The following ZNF41 variants were observed in gnomAD, a reference collection of about 807,000 sequenced individuals.
ZNF41 encodes the protein zinc finger protein 41.
ZNF41 carries 6 observed loss-of-function variants against 9.3 expected under a neutral mutation model. The observed-to-expected ratio is 0.65, with a 90% CI of 0.35 to 1.28. The LOEUF (loss-of-function observed/expected upper bound fraction) is 1.28. ZNF41 is among the 50% of genes most tolerant of loss of function. The pLI is 0.03. For synonymous variants in ZNF41, 192 were observed against 207.1 expected, an observed-to-expected ratio of 0.93 and a Z score of 0.63; for missense variants, 523 against 585.8, an observed-to-expected ratio of 0.89 and a Z score of 1.11.
At chrX:47,464,197 TCAC>T (rs1452654030) in intron 2 of ZNF41, among the ~76,000 whole-genome samples, 1 of 111,525 alleles carries the variant, frequency 9.0e-6, no homozygotes, top group Non-Finnish European at 1.9e-5. Flanking sequence ...TCCTCAGTGA[TCAC>T]CACTTCTCCA....
Position 47,449,449 on chromosome X carries a change from T to C in ZNF41, c.321A>G (p.Gln107=), listed in dbSNP as rs1374760109. The change falls in exon 5 of 5, where the codon CAA becomes CAG. Residue 107 remains glutamine (Q), a synonymous_variant. Transcript: ENST00000684689. ...AGAAAATTCCTCCAGGAATTCCCTG[T>C]TGCTGCATTTTCCCAATAGCCTCAC... is the stretch of plus-strand genomic sequence containing the variant. ...CSGEAIGKMQ[Q]QGIPGGIFFH... 8.3e-7 allele frequency: 1 copy of C among 1,209,174 alleles called. No individual in the cohort carries two copies.
chrX:47,458,787 T>A (rs5906400), intron 2 of ZNF41, among the ~76,000 whole-genome samples: 1 of 105,240 alleles, frequency 9.5e-6, no homozygotes, highest in African/African-American at 3.5e-5. Flanking sequence ...GTTTTGTTTT[T>A]TTTTTTTGTA....
intron 1 of ZNF41, among the ~76,000 whole-genome samples, chrX:47,473,739 C>T (rs1020011967): frequency 2.7e-5 from 3 of 112,162 alleles, no homozygotes; most frequent in African/African-American, 9.7e-5. Context: ...TACATTTTAA[C>T]TATTTTCCTT....
At chrX:47,470,758 A>G (rs1285538650) in intron 1 of ZNF41, among the ~76,000 whole-genome samples, 2 of 110,621 alleles carry the variant, frequency 1.8e-5, no homozygotes, top group Non-Finnish European at 3.8e-5. Context: ...ACAAAAAATA[A>G]TAGGAGAAAA....
Position 47,456,359 on chromosome X carries a change from T to C in ZNF41, c.112A>G (p.Lys38Glu). 1 of 1,211,603 alleles carries C rather than the reference T, an allele frequency of 8.3e-7. No homozygotes were observed. The highest frequency in any genetic ancestry group is 1.1e-6 in the Non-Finnish European group (1 of 895,467). ...SFEDVTVDFS[K>E]EEWQHLDPAQ... is the part of the protein sequence containing the mutation. ...GGGTCCAAGTGCTGCCACTCCTCCT[T>C]GCTGAAGTCCACAGTCACGTCCTCA... The change falls in exon 3 of 5, where the codon AAG becomes GAG. Residue 38 changes from lysine (K) to glutamate (E), a missense_variant. Lys to Glu is a moderately conservative substitution (Grantham distance 56). Coordinates refer to ENST00000684689, the MANE Select transcript of ZNF41 (RefSeq NM_001324144.2).
At chrX:47,455,473 T>C (rs1396465151) in intron 4 of ZNF41, among the ~76,000 whole-genome samples, 1 of 108,820 alleles carries the variant, frequency 9.2e-6, no homozygotes, top group Non-Finnish European at 1.9e-5. Flanking sequence ...TAGTCCCCAC[T>C]ACTTGGGAGG....
In ZNF41 at chrX:47,447,129, TCTA is replaced by T; in HGVS notation, c.*298_*300del. 1 of 329,190 alleles carries T rather than the reference TCTA, an allele frequency of 3.0e-6. No homozygotes were observed. The highest frequency in any genetic ancestry group is 5.4e-6 in the Non-Finnish European group (1 of 186,178). 27.1% of individuals were successfully genotyped at this position (329,190 alleles called of 1,213,427 possible). ...ACGAGTCATCTCCTCAGGTCTTAATTCTACTATTTCCAGGAGCTCAAGAGGTCT... is the reference window on the plus strand; with the variant it reads ...ACGAGTCATCTCCTCAGGTCTTAATTCTATTTCCAGGAGCTCAAGAGGTCT... On this transcript the variant is annotated 3_prime_UTR_variant, in exon 5 of 5. Coordinates refer to ENST00000684689, the MANE Select transcript of ZNF41 (RefSeq NM_001324144.2).
At chrX:47,451,479 T>C (rs2056363990) in intron 4 of ZNF41, among the ~76,000 whole-genome samples, 1 of 111,968 alleles carries the variant, frequency 8.9e-6, no homozygotes, top group Non-Finnish European at 1.9e-5. Context: ...GCAGGCTGGG[T>C]GCGGTGGCTC....
chrX:47,450,947 C>T (rs1219880988), intron 4 of ZNF41, among the ~76,000 whole-genome samples: 2 of 112,088 alleles, frequency 1.8e-5, no homozygotes, highest in Non-Finnish European at 3.8e-5. Flanking sequence ...GGAAGACATA[C>T]ATCTATATTT....
At chrX:47,458,637 TA>T (rs1213831928) in intron 2 of ZNF41, among the ~76,000 whole-genome samples, 4 of 111,460 alleles carry the variant, frequency 3.6e-5, no homozygotes, top group South Asian at 3.8e-4. Flanking sequence ...CTAAGGCGTT[TA>T]AAAAAAATTA....
Position 47,467,491 on chromosome X carries a change from G to A in ZNF41, c.-10C>T. Reference sequence around the variant, plus strand: ...CCCCATTAGCTGCCATGTTCACGCTGGGCCTCAGCCCTCAGGCTCTCCTGC... The same window carrying A: ...CCCCATTAGCTGCCATGTTCACGCTAGGCCTCAGCCCTCAGGCTCTCCTGC... On this transcript the variant is annotated 5_prime_UTR_variant, in exon 2 of 5. Coordinates refer to ENST00000684689, the MANE Select transcript of ZNF41 (RefSeq NM_001324144.2). 8 of 1,181,027 alleles carry A rather than the reference G, an allele frequency of 6.8e-6. No individual in the cohort carries two copies. The highest frequency in any genetic ancestry group is 9.1e-6 in the Non-Finnish European group (8 of 878,924).
intron 2 of ZNF41, among the ~76,000 whole-genome samples, chrX:47,459,742 T>TAAAAAAAAAAAAAAAAAAAAAAA (rs768291943): frequency 1.2e-4 from 2 of 16,162 alleles, no homozygotes; most frequent in Non-Finnish European, 2.2e-4. Flanking sequence ...AGACCCTATC[T>TAAAAAAAAAAAAAAAAAAAAAAA]AAAAAAAAAA....
rs2056273352 is a variant in ZNF41, at chrX:47,449,367, C to T, written c.403G>A (p.Glu135Lys). 1 of 1,209,592 alleles carries T rather than the reference C, an allele frequency of 8.3e-7. No homozygotes were observed. Among genetic ancestry groups the T allele is most frequent in the Admixed American group, 2.2e-5 (1 of 45,563 alleles). ...IGEDSLCSILEELWQDNDQLE... is the reference protein window; with the variant it reads ...IGEDSLCSILKELWQDNDQLE... ...TGGTCATTATCTTGCCACAGTTCTTCTAAAATAGAACATAATGAATCTTCT... is the reference window on the plus strand; with the variant it reads ...TGGTCATTATCTTGCCACAGTTCTTTTAAAATAGAACATAATGAATCTTCT... The change falls in exon 5 of 5, where the codon GAA becomes AAA. Residue 135 changes from glutamate to lysine, a missense_variant. Coordinates refer to ENST00000684689, the MANE Select transcript of ZNF41 (RefSeq NM_001324144.2).
chrX:47,477,919 A>C (rs765371461), intron 1 of ZNF41, among the ~76,000 whole-genome samples: 2 of 112,902 alleles, frequency 1.8e-5, no homozygotes, highest in Non-Finnish European at 3.7e-5. Context: ...AGCATTATTC[A>C]TAATAGCTAA....
rs1335981765 is a variant in ZNF41, at chrX:47,445,225, A to AT, written c.*2204dup. 8.9e-6 allele frequency among the ~76,000 whole-genome samples: 1 copy of AT among 112,318 alleles called. No individual in the cohort carries two copies. Among genetic ancestry groups the AT allele is most frequent in the Admixed American group, 9.5e-5 (1 of 10,519 alleles). On this transcript the variant is annotated 3_prime_UTR_variant, in exon 5 of 5. Transcript: ENST00000684689. The stretch of plus-strand genomic sequence containing the variant: ...ATTATTAATCATTAGGGCAGTGTAA[A>AT]TTAATATCACAATATAACTTCACAT...
At chrX:47,471,463 A>AG (rs1420354077) in intron 1 of ZNF41, among the ~76,000 whole-genome samples, 1 of 110,005 alleles carries the variant, frequency 9.1e-6, no homozygotes, top group African/African-American at 3.3e-5. Flanking sequence ...AAAAGAAAAA[A>AG]AAAAAGAAAA....
rs2056200106 is a variant in ZNF41 at position 47,448,201 on chromosome X, A to G, written c.1569T>C (p.Tyr523=). The part of the protein sequence containing the change: ...HQKTHTGEKP[Y]MCAECGKAFT... ...AAGCCTTTCCACATTCAGCACACATATAGGGTTTTTCCCCAGTATGAGTTT... is the reference window on the plus strand; with the variant it reads ...AAGCCTTTCCACATTCAGCACACATGTAGGGTTTTTCCCCAGTATGAGTTT... The change falls in exon 5 of 5, where the codon TAT becomes TAC. Residue 523 remains tyrosine (Y), a synonymous_variant. Coordinates refer to ENST00000684689, the MANE Select transcript of ZNF41 (RefSeq NM_001324144.2). The G allele has an allele frequency of 8.3e-7, 1 of 1,209,904 alleles. No homozygotes were observed. Among genetic ancestry groups the G allele is most frequent in the African/African-American group, 1.8e-5 (1 of 57,119 alleles).
At chrX:47,474,714 C>T (rs2057285774) in intron 1 of ZNF41, among the ~76,000 whole-genome samples, 1 of 106,058 alleles carries the variant, frequency 9.4e-6, no homozygotes, top group African/African-American at 3.5e-5. Context: ...CCCATCTCTA[C>T]AAAAAATTTA....
At position 47,448,363 on chromosome X, in the gene ZNF41, G is replaced by A; in HGVS notation, c.1407C>T (p.Cys469=). Residue 469 remains cysteine (C), a synonymous_variant, in exon 5 of 5, where the codon TGC becomes TGT. Transcript: ENST00000684689. ...TAGTGAAGGATTTCCCACAGTCACT[G>A]CATTCATACGGCTTTTCTCCAGTAT... is the stretch of plus-strand genomic sequence containing the variant. ...RIHTGEKPYE[C]SDCGKSFTKK... 4 of 1,211,399 alleles carry A rather than the reference G, an allele frequency of 3.3e-6. No individual in the cohort carries two copies. The highest frequency in any genetic ancestry group is 4.5e-6 in the Non-Finnish European group (4 of 895,398).
Sources: allele counts gnomAD v4.1 joint callset (sites outside exome capture counted in the v4.1 genomes callset), GRCh38; gene constraint gnomAD v4.1.1; transcripts MANE v1.5; gene names NCBI Gene and HGNC (gene_info 2026-07-23, HGNC 2026-07-21).